The following WAPL variants were observed in gnomAD, a reference collection of about 807,000 sequenced individuals.
The protein encoded by WAPL is wings apart-like protein homolog.
In WAPL, 5 loss-of-function variants were observed where a neutral mutation model predicts 121.0. That is an observed-to-expected ratio of 0.04 (90% CI 0.02 to 0.09). The LOEUF (loss-of-function observed/expected upper bound fraction) is 0.09. WAPL is among the 10% of genes least tolerant of loss of function. The pLI is 1.00. For synonymous variants in WAPL, 480 were observed against 481.5 expected, an observed-to-expected ratio of 1.00 and a Z score of 0.04; for missense variants, 999 against 1,410.8, an observed-to-expected ratio of 0.71 and a Z score of 4.68.
chr10:86,515,428 T>C (rs1318748806), intron 2 of WAPL, among the ~76,000 whole-genome samples: 1 of 152,108 alleles, frequency 6.6e-6, no homozygotes, highest in African/African-American at 2.4e-5. Flanking sequence ...GGACAGTCAT[T>C]TAACCTCTTT....
intron 11 of WAPL, among the ~76,000 whole-genome samples, chr10:86,460,125 T>C (rs1275623626): frequency 1.3e-5 from 2 of 151,844 alleles, no homozygotes; most frequent in African/African-American, 4.8e-5. Flanking sequence ...AAAATAATAA[T>C]AAAAATAATA....
intron 17 of WAPL, among the ~76,000 whole-genome samples, chr10:86,441,586 A>C (rs1250040094): frequency 6.6e-6 from 1 of 151,892 alleles, no homozygotes; most frequent in East Asian, 1.9e-4. Flanking sequence ...AAAAAAAAAA[A>C]AACTATAGAG....
At chr10:86,450,610 T>C (rs1182217646) in intron 15 of WAPL, among the ~76,000 whole-genome samples, 1 of 152,198 alleles carries the variant, frequency 6.6e-6, no homozygotes. Flanking sequence ...CATTTTCAAA[T>C]GTTTTTTGCA....
rs762116636 is a variant in WAPL at position 86,518,033 on chromosome 10, C to T, written c.37G>A (p.Gly13Ser). 3 of 1,614,140 alleles carry T rather than the reference C, an allele frequency of 1.9e-6. No individual in the cohort carries two copies. The highest frequency in any genetic ancestry group is 2.5e-6 in the Non-Finnish European group (3 of 1,180,022). Residue 13 changes from glycine (G) to serine (S), a missense_variant, in exon 2 of 19, where the codon GGT (glycine) becomes AGT (serine). By Grantham distance (56) the Gly-to-Ser change is moderately conservative (BLOSUM62 0). This residue lies in a region of WAPL where 30 missense variants were observed against 56.4 expected (regional missense o/e 0.53). Coordinates refer to ENST00000298767, the MANE Select transcript of WAPL (RefSeq NM_015045.5). ...TCGAATTTTGAACTGCCATTTCCAC[C>T]TTTCCTACTGTATGTTTTCCCAAAT... ...SRFGKTYSRKGGNGSSKFDEV... is the reference protein window; with the variant it reads ...SRFGKTYSRKSGNGSSKFDEV...
intron 7 of WAPL, among the ~76,000 whole-genome samples, 160 bp from the exon 8 acceptor site, chr10:86,471,263 A>T (rs1484976142): frequency 6.6e-6 from 1 of 152,202 alleles, no homozygotes; most frequent in East Asian, 1.9e-4. Context: ...ACACATTATT[A>T]AAAATATACT....
At position 86,472,128 on chromosome 10, in the gene WAPL, T is replaced by C. The variant is rs1841546471; in HGVS notation, c.2030+80A>G. 1 of 1,375,308 alleles carries C rather than the reference T, an allele frequency of 7.3e-7. No homozygotes were observed. The highest frequency in any genetic ancestry group is 9.7e-7 in the Non-Finnish European group (1 of 1,031,322). 85.2% of individuals were successfully genotyped at this position (1,375,308 alleles called of 1,614,324 possible). ...CCCATCATAACAAAATAAAAAATGT[T>C]TGGCTTTTTGGACAACACCTAGTTG... On this transcript the variant is annotated intron_variant, in intron 7 of 18. Coordinates refer to ENST00000298767, the MANE Select transcript of WAPL (RefSeq NM_015045.5). The surrounding 1 kb of genome is among the most constrained non-coding windows in gnomAD (Gnocchi z 4.2).
intron 8 of WAPL, among the ~76,000 whole-genome samples, chr10:86,467,723 C>A (rs547650337): frequency 6.7e-6 from 1 of 149,860 alleles, no homozygotes. Context: ...GTCGCCCAGG[C>A]TGGAGTGCAG....
rs1849342735 is a variant in WAPL, at chr10:86,437,103, TAGA to T, written c.*437_*439del. 6.5e-6 allele frequency: 1 copy of T among 154,582 alleles called. No individual in the cohort carries two copies. Among genetic ancestry groups the T allele is most frequent in the Non-Finnish European group, 1.4e-5 (1 of 69,472 alleles). 9.6% of individuals were successfully genotyped at this position (154,582 alleles called of 1,614,324 possible). On this transcript the variant is annotated 3_prime_UTR_variant, in exon 19 of 19. Coordinates refer to ENST00000298767, the MANE Select transcript of WAPL (RefSeq NM_015045.5). Reference sequence around the variant, plus strand: ...CTGAAAAAGGAACTAAGCTGTTGTCTAGAATGTCCTCAGAACATTCGCTACCTC... The same window carrying T: ...CTGAAAAAGGAACTAAGCTGTTGTCTATGTCCTCAGAACATTCGCTACCTC...
intron 15 of WAPL, among the ~76,000 whole-genome samples, chr10:86,450,616 T>C (rs1564563562): frequency 6.6e-6 from 1 of 152,198 alleles, no homozygotes; most frequent in Admixed American, 6.5e-5. Flanking sequence ...CAAATGTTTT[T>C]TGCATTAAAT....
intron 16 of WAPL, among the ~76,000 whole-genome samples, chr10:86,445,937 G>GA (rs745312509): frequency 6.6e-6 from 1 of 152,090 alleles, no homozygotes; most frequent in Non-Finnish European, 1.5e-5. Flanking sequence ...ACTGAAAACT[G>GA]AAAAAATCCT....
chr10:86,511,222 G>A (rs1427843387), intron 2 of WAPL, among the ~76,000 whole-genome samples: 3 of 152,084 alleles, frequency 2.0e-5, no homozygotes, highest in Admixed American at 2.0e-4. Context: ...TGAGGTGGGA[G>A]CACTGCATGA....
At position 86,517,611 on chromosome 10, in the gene WAPL, A is replaced by G. The variant is rs144042577; in HGVS notation, c.459T>C (p.Asp153=). The stretch of plus-strand genomic sequence containing the variant: ...TATTACAGCTACTTATGCTTGCATC[A>G]TCTTCTACAATTCGGTTTGTGCTCT... ...KEKSTNRIVE[D]DASISSCNKL... is the part of the protein sequence containing the mutation. Residue 153 remains aspartate, a synonymous_variant, in exon 2 of 19, where the codon GAT becomes GAC. Coordinates refer to ENST00000298767, the MANE Select transcript of WAPL (RefSeq NM_015045.5). 2 of 1,613,748 alleles carry G rather than the reference A, an allele frequency of 1.2e-6. No individual in the cohort carries two copies. Among genetic ancestry groups the G allele is most frequent in the African/African-American group, 1.3e-5 (1 of 74,946 alleles).
chr10:86,457,297 T>A (rs1202657154), intron 12 of WAPL, among the ~76,000 whole-genome samples: 2 of 132,152 alleles, frequency 1.5e-5, no homozygotes, highest in Non-Finnish European at 3.1e-5. Flanking sequence ...TGAGACCAGC[T>A]GGGACAACAT....
chr10:86,467,558 T>C (rs899497158), intron 8 of WAPL, 52 bp from the exon 9 acceptor site: 16 of 1,333,746 alleles, frequency 1.2e-5, no homozygotes, highest in Admixed American at 8.7e-5. Flanking sequence ...AAGCAACTCC[T>C]GACATCTCAG....
chr10:86,461,225 A>G lies in WAPL; in HGVS notation c.2433T>C (p.Phe811=), dbSNP rs1841265026. ...CACCCAAAAGCCGGAGTTCTTCTTT[A>G]AACCAGTCTCCTGCTCGTTTAGAAG... is the stretch of plus-strand genomic sequence containing the variant. ...SLTSKRAGDW[F]KEELRLLGGL... is the part of the protein sequence containing the mutation. The change falls in exon 10 of 19, where the codon TTT becomes TTC. Residue 811 remains phenylalanine (F), a synonymous_variant. Coordinates refer to ENST00000298767, the MANE Select transcript of WAPL (RefSeq NM_015045.5). 1.2e-6 allele frequency: 2 copies of G among 1,613,828 alleles called. No homozygotes were observed. The highest frequency in any genetic ancestry group is 1.7e-6 in the Non-Finnish European group (2 of 1,179,904).
At chr10:86,451,674 T>G (rs893341562) in intron 15 of WAPL, among the ~76,000 whole-genome samples, 1 of 152,320 alleles carries the variant, frequency 6.6e-6, no homozygotes, top group Non-Finnish European at 1.5e-5. Flanking sequence ...ATTATAGGCG[T>G]GAGTCACTGC....
At chr10:86,471,165 G>C in intron 7 of WAPL, 62 bp from the exon 8 acceptor site, 1 of 1,369,710 alleles carries the variant, frequency 7.3e-7, no homozygotes, top group Non-Finnish European at 1.0e-6. Flanking sequence ...TTTTGAGTTT[G>C]TGTAATACCA....
In WAPL at chr10:86,495,664, A is replaced by C. The variant is rs1842135101; in HGVS notation, c.1644+1537T>G. Among the ~76,000 whole-genome samples, 2 of 152,226 alleles carry C rather than the reference A, an allele frequency of 1.3e-5. 1 individual carries two copies. Among genetic ancestry groups the C allele is most frequent in the South Asian group, 4.1e-4 (2 of 4,830 alleles). On this transcript the variant is annotated intron_variant, in intron 4 of 18. Transcript: ENST00000298767. Reference sequence around the variant, plus strand: ...CCAAAAGCACAGACAACAGAATGACAAATTGAACATCAAAATTAAAATGTT... The same window carrying C: ...CCAAAAGCACAGACAACAGAATGACCAATTGAACATCAAAATTAAAATGTT...
At chr10:86,504,651 CA>C (rs879588824) in intron 2 of WAPL, among the ~76,000 whole-genome samples, 90 of 136,180 alleles carry the variant, frequency 6.6e-4, no homozygotes, top group South Asian at 1.4e-3. Context: ...GACTCAGTCT[CA>C]AAAAAAAAAA....
Sources: gnomAD v4.1 joint callset for allele counts (sites outside exome capture counted in the v4.1 genomes callset) on GRCh38, gnomAD v4.1.1 for gene constraint, gnomAD v4.1.1 regional missense constraint, Gnocchi (gnomAD v3.1) non-coding constraint, MANE v1.5 for transcripts, NCBI Gene and HGNC (gene_info 2026-07-23, HGNC 2026-07-21) for gene names.